The following GTF2F1 variants were observed in gnomAD, a reference collection of about 807,000 sequenced individuals.
GTF2F1 encodes the protein general transcription factor IIF subunit 1, also known as general transcription factor IIF 74 kDa subunit.
Under a neutral mutation model 63.5 loss-of-function variants are expected in GTF2F1, and 39 were observed. That is an observed-to-expected ratio of 0.61 (90% CI 0.48 to 0.80). GTF2F1 has a LOEUF of 0.80. GTF2F1 is among the 30% of genes least tolerant of loss of function. The pLI, the probability that GTF2F1 is intolerant of heterozygous loss-of-function variation, is 0.00. For missense variants in GTF2F1, 657 were observed against 718.3 expected (o/e 0.91, Z 0.97); for synonymous variants, 287 against 285.3 (o/e 1.01, Z -0.06).
rs769882124 is a variant in GTF2F1 at position 6,393,041 on chromosome 19, C to T, written c.-46G>A. ...GATCTGGTCCGACCCGGGTTCCTTT[C>T]GTCTCCTCTGGCGTGCGCGTCCCTC... On this transcript the variant is annotated 5_prime_UTR_variant, in exon 1 of 13. Transcript: ENST00000394456. The T allele has an allele frequency of 1.2e-6, 2 of 1,611,908 alleles. No homozygotes were observed.
In GTF2F1 at chr19:6,380,368, T is replaced by C. The variant is rs2145070535; in HGVS notation, c.1467A>G (p.Thr489=). The change falls in exon 13 of 13, where the codon ACA becomes ACG. Residue 489 remains threonine (T), a synonymous_variant. Coordinates refer to ENST00000394456, the MANE Select transcript of GTF2F1 (RefSeq NM_002096.3). The surrounding 1 kb of genome is among the most constrained non-coding windows in gnomAD (Gnocchi z 5.3). ...TKKTGLSSEQ[T]VNVLAQILKR... is the part of the protein sequence containing the mutation. ...TGAGGATCTGGGCCAACACGTTCAC[T>C]GTCTGCTCGCTGCTCAGCCCTGTCT... The C allele has an allele frequency of 1.2e-6, 2 of 1,614,154 alleles. No homozygotes were observed. Among genetic ancestry groups the C allele is most frequent in the East Asian group, 2.2e-5 (1 of 44,876 alleles).
rs143217518 is a variant in GTF2F1 at position 6,383,827 on chromosome 19, C to T, written c.498-332G>A. Among the ~76,000 whole-genome samples the T allele has an allele frequency of 8.0e-3, 1,219 of 152,180 alleles. 9 individuals carry two copies. The highest frequency in any genetic ancestry group is 0.028 in the African/African-American group (1,175 of 41,522). ...TTTTTTATTTTCTGAGACAGAGTAT[C>T]GCTCTGTCGCCCAGACTGGAGTGCA... On this transcript the variant is annotated intron_variant, in intron 5 of 12. Transcript: ENST00000394456. This position sits in a 1 kb window ranked among gnomAD's most constrained non-coding sequence, Gnocchi z 4.5.
At chr19:6,385,660 GC>G (rs1484364751) in intron 5 of GTF2F1, among the ~76,000 whole-genome samples, 1 of 152,098 alleles carries the variant, frequency 6.6e-6, no homozygotes. Flanking sequence ...TACAGAAACT[GC>G]CCCACAGGCT....
chr19:6,386,977 A>G (rs1216801236), intron 5 of GTF2F1: 2 of 208,880 alleles, frequency 9.6e-6, no homozygotes, highest in African/African-American at 4.7e-5. Context: ...GGCCTCATGC[A>G]CTGTGTCCCT....
intron 5 of GTF2F1, among the ~76,000 whole-genome samples, chr19:6,385,535 G>A (rs745650818): frequency 4.0e-5 from 6 of 151,382 alleles, no homozygotes; most frequent in Non-Finnish European, 8.8e-5. Flanking sequence ...CAGCAAAAGC[G>A]AACCTGCCCC....
At position 6,383,425 on chromosome 19, in the gene GTF2F1, C is replaced by A; in HGVS notation, c.568G>T (p.Asp190Tyr). The A allele has an allele frequency of 6.2e-7, 1 of 1,614,246 alleles. No individual in the cohort carries two copies. Among genetic ancestry groups the A allele is most frequent in the South Asian group, 1.1e-5 (1 of 91,092 alleles). Residue 190 changes from aspartate (D) to tyrosine (Y), a missense_variant, in exon 6 of 13, where the codon GAT (aspartate) becomes TAT (tyrosine). This residue lies in a region of GTF2F1 where 602 missense variants were observed against 625.6 expected (regional missense o/e 0.96). Transcript: ENST00000394456. The surrounding 1 kb of genome is among the most constrained non-coding windows in gnomAD (Gnocchi z 4.5). ...CCACGTTTCTCCTTCTCCTCCTCAT[C>A]CTCGTCCTGGTCCTGATCCTTGAGC... ...RRLKDQDQDE[D>Y]EEEKEKRGRR... is the part of the protein sequence containing the mutation.
At chr19:6,392,019 CAATCATTAATTT>C in intron 2 of GTF2F1, 45 bp from the exon 3 acceptor site, 1 of 958,798 alleles carries the variant, frequency 1.0e-6, no homozygotes, top group Non-Finnish European at 1.6e-6. Flanking sequence ...TACAGCAATT[CAATCATTAATTT>C]AATCAGTCAA....
chr19:6,392,927 T>G (rs753452438), intron 1 of GTF2F1, 24 bp from the exon 2 acceptor site: 4 of 1,613,842 alleles, frequency 2.5e-6, no homozygotes, highest in Non-Finnish European at 3.4e-6. Context: ...AAGCGGTGAG[T>G]GAGGGGTCGC....
chr19:6,391,836 C>T lies in GTF2F1; in HGVS notation c.132+66G>A, dbSNP rs6510895. On this transcript the variant is annotated intron_variant, in intron 3 of 12. Transcript: ENST00000394456. ...TATGACAGTTAAGCAACTATCACAA[C>T]CACCAAGGTCAGGGTCAAGTTCTCT... The T allele has an allele frequency of 0.24, 183,203 of 770,984 alleles. 33,422 individuals carry two copies. The highest frequency in any genetic ancestry group is 0.8 in the African/African-American group (45,341 of 56,950). The allele number at this position is 770,984 out of a possible 1,614,324, so 47.8% of individuals were successfully genotyped here.
At position 6,380,257 on chromosome 19, in the gene GTF2F1, C is replaced by T. The variant is rs2091941291; in HGVS notation, c.*24G>A. On this transcript the variant is annotated 3_prime_UTR_variant, in exon 13 of 13. Transcript: ENST00000394456. This position sits in a 1 kb window ranked among gnomAD's most constrained non-coding sequence, Gnocchi z 5.3. Reference sequence around the variant, plus strand: ...AGTGAGAGCCTTAAGTTCTGGGGGGCAGAGCCATGTATTGGACCAAGCCTC... The same window carrying T: ...AGTGAGAGCCTTAAGTTCTGGGGGGTAGAGCCATGTATTGGACCAAGCCTC... 1 of 1,592,648 alleles carries T rather than the reference C, an allele frequency of 6.3e-7. No homozygotes were observed. The highest frequency in any genetic ancestry group is 1.3e-5 in the African/African-American group (1 of 74,476).
intron 5 of GTF2F1, among the ~76,000 whole-genome samples, chr19:6,385,183 C>T (rs8113383): frequency 6.6e-6 from 1 of 151,758 alleles, no homozygotes; most frequent in Non-Finnish European, 1.5e-5. Flanking sequence ...TCACTTGAGG[C>T]CAGGAGTTGG....
intron 5 of GTF2F1, among the ~76,000 whole-genome samples, chr19:6,386,570 G>A (rs968832993): frequency 6.7e-6 from 1 of 149,716 alleles, no homozygotes; most frequent in African/African-American, 2.4e-5. Context: ...TCAGCCTCCC[G>A]AGTACTGGGA....
chr19:6,384,829 A>T (rs1218875128), intron 5 of GTF2F1, among the ~76,000 whole-genome samples: 1 of 151,694 alleles, frequency 6.6e-6, no homozygotes, highest in Non-Finnish European at 1.5e-5. Flanking sequence ...TGTCACCGAG[A>T]CTGGAGTGCA....
At position 6,381,983 on chromosome 19, in the gene GTF2F1, G is replaced by A. The variant is rs1468318420; in HGVS notation, c.683-133C>T. ...CTGACTGGGGAGACTACACCTCCAGGGCCAGCCCAGGAGCTCAGCTCTCCT... is the reference window on the plus strand; with the variant it reads ...CTGACTGGGGAGACTACACCTCCAGAGCCAGCCCAGGAGCTCAGCTCTCCT... On this transcript the variant is annotated intron_variant, in intron 6 of 12. Transcript: ENST00000394456. This position sits in a 1 kb window ranked among gnomAD's most constrained non-coding sequence, Gnocchi z 4.1. The A allele has an allele frequency of 9.9e-6, 7 of 705,072 alleles. No individual in the cohort carries two copies. The Admixed American group carries it at 1.9e-4, about 19-fold the overall frequency. 43.7% of individuals were successfully genotyped at this position (705,072 alleles called of 1,614,324 possible). A position where few individuals can be genotyped will look rare whatever the true frequency, so the allele number is the denominator to read the frequency against.
rs371898663 is a variant in GTF2F1, at chr19:6,381,803, C to A, written c.730G>T (p.Gly244Cys). 1 of 1,613,872 alleles carries A rather than the reference C, an allele frequency of 6.2e-7. No individual in the cohort carries two copies. The highest frequency in any genetic ancestry group is 8.5e-7 in the Non-Finnish European group (1 of 1,179,996). ...AKKKAPLAKGGRKKKKKKGSD... is the reference protein window; with the variant it reads ...AKKKAPLAKGCRKKKKKKGSD... ...CCCTTCTTCTTCTTCTTTTTCCTGCCGCCCTTGGCCAGCGGCGCCTTCTTC... is the reference window on the plus strand; with the variant it reads ...CCCTTCTTCTTCTTCTTTTTCCTGCAGCCCTTGGCCAGCGGCGCCTTCTTC... Residue 244 changes from glycine (G) to cysteine (C), a missense_variant, in exon 7 of 13, where the codon GGC (glycine) becomes TGC (cysteine). Gly to Cys is a radical substitution (Grantham distance 159). Transcript: ENST00000394456. This position sits in a 1 kb window ranked among gnomAD's most constrained non-coding sequence, Gnocchi z 4.1.
At position 6,380,437 on chromosome 19, in the gene GTF2F1, C is replaced by T. The variant is rs1310835548; in HGVS notation, c.1398G>A (p.Lys466=). Residue 466 remains lysine (K), a synonymous_variant, in exon 13 of 13, where the codon AAG becomes AAA. Transcript: ENST00000394456. The surrounding 1 kb of genome is among the most constrained non-coding windows in gnomAD (Gnocchi z 5.3). ...EDAVRRYLTR[K]PMTTKDLLKK... is the part of the protein sequence containing the mutation. The stretch of plus-strand genomic sequence containing the variant: ...TCAGCAGGTCCTTAGTGGTCATGGG[C>T]TTCCGTGTCAGGTAGCGGCGCACGG... The T allele has an allele frequency of 3.1e-6, 5 of 1,614,016 alleles. No individual in the cohort carries two copies. Among genetic ancestry groups the T allele is most frequent in the Non-Finnish European group, 4.2e-6 (5 of 1,180,034 alleles).
intron 4 of GTF2F1, among the ~76,000 whole-genome samples, chr19:6,388,273 A>T (rs1385038883): frequency 6.6e-6 from 1 of 152,044 alleles, no homozygotes; most frequent in Non-Finnish European, 1.5e-5. Context: ...CCGGGCCACC[A>T]TTTCCTCAAG....
chr19:6,383,572 G>A lies in GTF2F1; in HGVS notation c.498-77C>T, dbSNP rs926947298. 7 of 1,486,498 alleles carry A rather than the reference G, an allele frequency of 4.7e-6. No homozygotes were observed. Among genetic ancestry groups the A allele is most frequent in the Non-Finnish European group, 6.5e-6 (7 of 1,082,154 alleles). The allele number at this position is 1,486,498 out of a possible 1,614,324, so 92.1% of individuals were successfully genotyped here. A position where few individuals can be genotyped will look rare whatever the true frequency, so the allele number is the denominator to read the frequency against. On this transcript the variant is annotated intron_variant, in intron 5 of 12. Transcript: ENST00000394456. This position sits in a 1 kb window ranked among gnomAD's most constrained non-coding sequence, Gnocchi z 4.5. ...CTGTGCTTGCAGGGGGCGAGCCCCA[G>A]GGCACCACCCACATAGCCTTCAAGG...
chr19:6,389,031 G>A lies in GTF2F1; in HGVS notation c.326+413C>T, dbSNP rs111688148. Among the ~76,000 whole-genome samples the A allele has an allele frequency of 4.5e-3, 678 of 152,124 alleles. 3 individuals are homozygous for A. The highest frequency in any genetic ancestry group is 0.015 in the African/African-American group (636 of 41,494). On this transcript the variant is annotated intron_variant, in intron 4 of 12. Coordinates refer to ENST00000394456, the MANE Select transcript of GTF2F1 (RefSeq NM_002096.3). ...CCGAGGCGGGAGGATCGCCAAGTTC[G>A]AGACCAGCCTGACCAATATGGTGAA...
Sources: gnomAD v4.1 joint callset for allele counts (sites outside exome capture counted in the v4.1 genomes callset) on GRCh38, gnomAD v4.1.1 for gene constraint, gnomAD v4.1.1 regional missense constraint, Gnocchi (gnomAD v3.1) non-coding constraint, MANE v1.5 for transcripts, NCBI Gene and HGNC (gene_info 2026-07-23, HGNC 2026-07-21) for gene names.